DCDC1: variants seen among roughly 807,000 people sequenced by gnomAD.
DCDC1 encodes doublecortin domain containing 1.
In DCDC1, 200 loss-of-function variants were observed where a neutral mutation model predicts 178.3. That is an observed-to-expected ratio of 1.12 (90% CI 1.00 to 1.26). The LOEUF (loss-of-function observed/expected upper bound fraction) is 1.26, where lower values mean the gene tolerates loss of function less well. Among genes scored for constraint, DCDC1 ranks in the 50% most tolerant of loss-of-function variants. The probability of loss-of-function intolerance (pLI) is 0.00; values close to 1 mark genes in which losing one functional copy is unlikely to be tolerated. For missense variants in DCDC1, 1,983 were observed against 1,749.2 expected (o/e 1.13, Z -2.38); for synonymous variants, 690 against 604.8 (o/e 1.14, Z -2.07).
chr11:30,918,059 A>T (rs1945981434), intron 25 of DCDC1, among the ~76,000 whole-genome samples: 1 of 152,020 alleles, frequency 6.6e-6, no homozygotes, highest in Non-Finnish European at 1.5e-5. Flanking sequence ...AAAAAACAAC[A>T]GCGCCATCTT....
intron 14 of DCDC1, among the ~76,000 whole-genome samples, chr11:31,103,383 A>G (rs746707095): frequency 3.5e-4 from 53 of 152,332 alleles, no homozygotes; most frequent in Admixed American, 7.2e-4. Context: ...TATGTTTCAA[A>G]CCAAATTGTT....
At chr11:31,198,065 CATCATCATCATGAAA>C (rs1011048791) in intron 9 of DCDC1, among the ~76,000 whole-genome samples, 5 of 151,902 alleles carry the variant, frequency 3.3e-5, no homozygotes, top group African/African-American at 1.2e-4. Context: ...TCCTTTTTGT[CATCATCATCATGAAA>C]ATGAACATTA....
intron 20 of DCDC1, among the ~76,000 whole-genome samples, chr11:30,979,101 A>G (rs189583852): frequency 1.8e-4 from 28 of 152,174 alleles, no homozygotes; most frequent in Admixed American, 1.4e-3. Flanking sequence ...CTATTAATAT[A>G]AGAAATTTGG....
chr11:30,955,077 T>C (rs893438807), intron 20 of DCDC1, among the ~76,000 whole-genome samples: 2 of 152,218 alleles, frequency 1.3e-5, no homozygotes, highest in African/African-American at 2.4e-5. Flanking sequence ...AACACATATA[T>C]TTAAATCACA....
intron 21 of DCDC1, among the ~76,000 whole-genome samples, chr11:30,936,407 C>A (rs990177403): frequency 2.0e-5 from 3 of 152,058 alleles, no homozygotes; most frequent in African/African-American, 7.2e-5. Flanking sequence ...TTGATTTATT[C>A]TTTCTACCTT....
Position 30,931,966 on chromosome 11 carries a change from T to A in DCDC1, c.2716-14A>T. The A allele has an allele frequency of 6.3e-7, 1 of 1,592,972 alleles. No individual in the cohort carries two copies. The highest frequency in any genetic ancestry group is 1.8e-5 in the Admixed American group (1 of 55,552). On this transcript the variant is annotated splice_polypyrimidine_tract_variant and intron_variant, in intron 21 of 38. Transcript: ENST00000684477. ...CCAATCAAACTCCTTCAGAAAGAAA[T>A]GACAAAAACATAATAATAAATACAG...
At chr11:31,119,635 A>G (rs891179039) in intron 11 of DCDC1, among the ~76,000 whole-genome samples, 1 of 152,234 alleles carries the variant, frequency 6.6e-6, no homozygotes, top group African/African-American at 2.4e-5. Flanking sequence ...TAAATATTAA[A>G]ATAAGCTTTC....
intron 9 of DCDC1, among the ~76,000 whole-genome samples, chr11:31,149,494 GCCAGCAGCAGCAACCCGC>G (rs1390987093): frequency 1.3e-5 from 2 of 151,146 alleles, no homozygotes; most frequent in Admixed American, 1.3e-4. Flanking sequence ...GGCCACCCCA[GCCAGCAGCAGCAACCCGC>G]CCAGCAGCAG....
At chr11:31,130,746 T>G (rs182065598) in intron 10 of DCDC1, among the ~76,000 whole-genome samples, 41 of 152,250 alleles carry the variant, frequency 2.7e-4, no homozygotes, top group Non-Finnish European at 2.6e-4. Context: ...GTCTAGAAAT[T>G]TCTATCATCT....
intron 21 of DCDC1, among the ~76,000 whole-genome samples, chr11:30,935,635 C>T (rs762363614): frequency 1.3e-5 from 2 of 151,882 alleles, no homozygotes; most frequent in Non-Finnish European, 2.9e-5. Flanking sequence ...CTCACTGCAA[C>T]CTTTGCCTCC....
intron 20 of DCDC1, among the ~76,000 whole-genome samples, chr11:30,970,953 C>T (rs1442314238): frequency 6.6e-6 from 1 of 152,156 alleles, no homozygotes; most frequent in Non-Finnish European, 1.5e-5. Flanking sequence ...GGCACCTGAG[C>T]ACTCCTTCCA....
intron 12 of DCDC1, among the ~76,000 whole-genome samples, chr11:31,108,972 G>A (rs1447150290): frequency 1.3e-5 from 2 of 152,118 alleles, no homozygotes; most frequent in Non-Finnish European, 1.5e-5. Flanking sequence ...TTGTCCTTGG[G>A]TGGTGTCACA....
chr11:30,993,992 T>C (rs1951118400), intron 20 of DCDC1, among the ~76,000 whole-genome samples: 1 of 152,086 alleles, frequency 6.6e-6, no homozygotes, highest in African/African-American at 2.4e-5. Flanking sequence ...TAAAGCTCTA[T>C]CAAGAATAGA....
intron 36 of DCDC1, among the ~76,000 whole-genome samples, chr11:30,886,284 TTAAGA>T (rs1163448662): frequency 3.3e-5 from 5 of 152,156 alleles, no homozygotes; most frequent in African/African-American, 1.2e-4. Flanking sequence ...ATAAATGTTA[TTAAGA>T]TAATAAAAAA....
chr11:31,246,906 AT>A (rs1177763185), intron 8 of DCDC1, among the ~76,000 whole-genome samples: 3 of 151,944 alleles, frequency 2.0e-5, no homozygotes, highest in Non-Finnish European at 4.4e-5. Flanking sequence ...CCAAATTTGG[AT>A]TTTTCCTCCA....
At chr11:31,162,546 T>C (rs1389458858) in intron 9 of DCDC1, among the ~76,000 whole-genome samples, 1 of 152,188 alleles carries the variant, frequency 6.6e-6, no homozygotes, top group African/African-American at 2.4e-5. Flanking sequence ...TCAATCGTTC[T>C]AGGTCTAATA....
At chr11:30,913,585 T>C (rs1052243817) in intron 27 of DCDC1, among the ~76,000 whole-genome samples, 1 of 152,164 alleles carries the variant, frequency 6.6e-6, no homozygotes, top group African/African-American at 2.4e-5. Flanking sequence ...TTCCACTAAC[T>C]GCCTCTCTTT....
chr11:30,900,211 T>C, intron 33 of DCDC1, 135 bp downstream of exon 33: 2 of 846,358 alleles, frequency 2.4e-6, no homozygotes, highest in Non-Finnish European at 3.3e-6. Flanking sequence ...TGATGAACCT[T>C]CTGTTCTTTG....
At chr11:30,960,797 C>T (rs1949049825) in intron 20 of DCDC1, among the ~76,000 whole-genome samples, 1 of 152,250 alleles carries the variant, frequency 6.6e-6, no homozygotes, top group East Asian at 1.9e-4. Context: ...ACACAGCCCA[C>T]AAGGCAGCCA....
Sources: gnomAD v4.1 joint callset for allele counts (sites outside exome capture counted in the v4.1 genomes callset) on GRCh38, gnomAD v4.1.1 for gene constraint, MANE v1.5 for transcripts, NCBI Gene and HGNC (gene_info 2026-07-23, HGNC 2026-07-21) for gene names.